Variants in DLGAP2 observed in about 807,000 individuals in gnomAD.
The protein encoded by DLGAP2 is DLG associated protein 2.
Under a neutral mutation model 100.3 loss-of-function variants are expected in DLGAP2, and 26 were observed. The observed-to-expected ratio is 0.26, with a 90% CI of 0.19 to 0.36. The LOEUF (loss-of-function observed/expected upper bound fraction) is 0.36, where lower values mean the gene tolerates loss of function less well. DLGAP2 is among the 10% of genes least tolerant of loss of function. DLGAP2 has a pLI of 1.00. For synonymous variants in DLGAP2, 886 were observed against 630.1 expected, an observed-to-expected ratio of 1.41 and a Z score of -6.08; for missense variants, 1,858 against 1,453.2, an observed-to-expected ratio of 1.28 and a Z score of -4.53.
At chr8:1,202,038 T>C (rs1797887680) in intron 2 of DLGAP2, among the ~76,000 whole-genome samples, 1 of 139,806 alleles carries the variant, frequency 7.2e-6, no homozygotes, top group South Asian at 2.2e-4. Flanking sequence ...TGTGCACATG[T>C]GCAGTATCTA....
chr8:1,356,214 G>T (rs1476270857), intron 3 of DLGAP2, among the ~76,000 whole-genome samples: 1 of 152,138 alleles, frequency 6.6e-6, no homozygotes, highest in Non-Finnish European at 1.5e-5. Context: ...CCCTTTGAAA[G>T]GTTTTGCTCA....
chr8:1,197,414 G>T (rs1175070079), intron 2 of DLGAP2, among the ~76,000 whole-genome samples: 1 of 152,170 alleles, frequency 6.6e-6, no homozygotes, highest in Non-Finnish European at 1.5e-5. Flanking sequence ...CAAGACAAAG[G>T]CCCTGGATAG....
chr8:1,243,725 T>A (rs989535520), intron 2 of DLGAP2, among the ~76,000 whole-genome samples: 2 of 152,240 alleles, frequency 1.3e-5, no homozygotes, highest in Admixed American at 6.5e-5. Flanking sequence ...CTGATCCTCC[T>A]CAAGTCCCAA....
chr8:935,230 G>A (rs756359913), intron 2 of DLGAP2, among the ~76,000 whole-genome samples: 3 of 152,216 alleles, frequency 2.0e-5, no homozygotes, highest in Admixed American at 6.5e-5. Flanking sequence ...TGTGGGTCAA[G>A]GGCTCAGAGA....
chr8:1,377,361 G>A (rs1158297113), intron 3 of DLGAP2, among the ~76,000 whole-genome samples: 1 of 152,268 alleles, frequency 6.6e-6, no homozygotes, highest in Middle Eastern at 3.4e-3. Context: ...TGGGTAATAT[G>A]GTGAAACCCC....
intron 1 of DLGAP2, among the ~76,000 whole-genome samples, chr8:825,609 G>T (rs568241838): frequency 6.6e-6 from 1 of 151,998 alleles, no homozygotes; most frequent in African/African-American, 2.4e-5. Flanking sequence ...GGGTCTTCTC[G>T]CTGTTCTTCC....
intron 8 of DLGAP2, among the ~76,000 whole-genome samples, chr8:1,635,839 G>A (rs1213083428): frequency 6.6e-6 from 1 of 152,210 alleles, no homozygotes; most frequent in Non-Finnish European, 1.5e-5. Flanking sequence ...GACAGGTTGA[G>A]GTTCCCAGAG....
chr8:753,440 G>A (rs1820842584), intron 1 of DLGAP2: 1 of 152,224 alleles, frequency 6.6e-6, no homozygotes, highest in African/African-American at 2.4e-5. Flanking sequence ...CTACGCCAGC[G>A]AACATTTACT....
chr8:1,201,900 A>G (rs923742000), intron 2 of DLGAP2, among the ~76,000 whole-genome samples: 27 of 151,964 alleles, frequency 1.8e-4, no homozygotes, highest in African/African-American at 4.8e-5. Context: ...GTGTGTATGT[A>G]CATGTGTGCA....
At chr8:770,491 G>A (rs6559181) in intron 1 of DLGAP2, among the ~76,000 whole-genome samples, 114,857 of 152,160 alleles carry the variant, frequency 0.75, 43,675 homozygotes, top group East Asian at 0.84. Context: ...TTCACTGCAG[G>A]AAGCCATATG....
intron 2 of DLGAP2, among the ~76,000 whole-genome samples, chr8:1,125,516 T>A (rs1796144377): frequency 6.6e-6 from 1 of 152,246 alleles, no homozygotes; most frequent in African/African-American, 2.4e-5. Flanking sequence ...TATTTTGAAT[T>A]ATATCATGCA....
At chr8:1,228,950 A>G (rs1798478303) in intron 2 of DLGAP2, among the ~76,000 whole-genome samples, 1 of 152,214 alleles carries the variant, frequency 6.6e-6, no homozygotes, top group Non-Finnish European at 1.5e-5. Flanking sequence ...GAGAAAAAAG[A>G]AAAAGCATTC....
intron 6 of DLGAP2, among the ~76,000 whole-genome samples, chr8:1,570,829 GGAGAGGAGAGAGGGTGAA>G (rs1186019074): frequency 2.0e-5 from 3 of 150,026 alleles, no homozygotes; most frequent in African/African-American, 7.4e-5. Context: ...CTGATGAGAT[GGAGAGGAGAGAGGGTGAA>G]CTGTGGGGAT....
chr8:1,438,380 C>T (rs1434086141), intron 3 of DLGAP2, among the ~76,000 whole-genome samples: 1 of 152,112 alleles, frequency 6.6e-6, no homozygotes, highest in Non-Finnish European at 1.5e-5. Flanking sequence ...ATCAGATTCG[C>T]TGCTTAGGAG....
In DLGAP2 at chr8:1,701,394, G is replaced by A; in HGVS notation, c.3156G>A (p.Gln1052=). The change falls in exon 15 of 15, where the codon CAG becomes CAA. Residue 1052 remains glutamine (Q), a synonymous_variant. Coordinates refer to ENST00000637795, the MANE Select transcript of DLGAP2 (RefSeq NM_001346810.2). ...TCGAGATCTACATCCCCGAGGCCCA[G>A]ACCCGGCTCTGAGGGCGGAGGCCGG... is the stretch of plus-strand genomic sequence containing the variant. ...DSIEIYIPEA[Q]TRL The A allele has an allele frequency of 6.3e-7, 1 of 1,592,068 alleles. No individual in the cohort carries two copies. Among genetic ancestry groups the A allele is most frequent in the Non-Finnish European group, 8.5e-7 (1 of 1,170,134 alleles).
chr8:1,533,906 C>T (rs1026433440), intron 4 of DLGAP2, among the ~76,000 whole-genome samples: 2 of 152,148 alleles, frequency 1.3e-5, no homozygotes, highest in East Asian at 3.9e-4. Context: ...AGTGAGCTAT[C>T]ATCACACCAC....
At position 1,701,293 on chromosome 8, in the gene DLGAP2, G is replaced by A; in HGVS notation, c.3055G>A (p.Ala1019Thr). ...CCTGCCCGACAGACAACGCCAGGAAGCCCGGAGGCGCCTCATGGCCGCCAA... is the reference window on the plus strand; with the variant it reads ...CCTGCCCGACAGACAACGCCAGGAAACCCGGAGGCGCCTCATGGCCGCCAA... ...LDLPDRQRQE[A>T]RRRLMAAKRA... The change falls in exon 15 of 15, where the codon GCC (alanine) becomes ACC (threonine). Residue 1019 changes from alanine to threonine, a missense_variant. Physicochemically the swap from Ala to Thr is moderately conservative, Grantham distance 58 (BLOSUM62 0). Transcript: ENST00000637795. 9.5e-6 allele frequency: 15 copies of A among 1,584,474 alleles called. No individual in the cohort carries two copies. Among genetic ancestry groups the A allele is most frequent in the Non-Finnish European group, 1.3e-5 (15 of 1,166,074 alleles).
rs920497589 is a variant in DLGAP2 at position 859,212 on chromosome 8, A to G, written c.19-48700A>G. ...CTGCAACCTCCACCTCCTGGGTTCA[A>G]GTGATTCTCCTGCCTCAGCCTCCCA... On this transcript the variant is annotated intron_variant, in intron 1 of 14. Coordinates refer to ENST00000637795, the MANE Select transcript of DLGAP2 (RefSeq NM_001346810.2). Among the ~76,000 whole-genome samples, 11 of 151,946 alleles carry G rather than the reference A, an allele frequency of 7.2e-5. No individual in the cohort carries two copies. In the East Asian group the frequency reaches 1.6e-3, roughly 21 times the overall value.
chr8:1,095,460 G>A (rs940258907), intron 2 of DLGAP2, among the ~76,000 whole-genome samples: 5 of 152,232 alleles, frequency 3.3e-5, no homozygotes, highest in East Asian at 3.9e-4. Context: ...ACTTCCTGGC[G>A]GTGAGCACAG....
Sources: gnomAD v4.1 joint callset for allele counts (sites outside exome capture counted in the v4.1 genomes callset) on GRCh38, gnomAD v4.1.1 for gene constraint, MANE v1.5 for transcripts, NCBI Gene and HGNC (gene_info 2026-07-23, HGNC 2026-07-21) for gene names.